The following ZFHX4 variants were observed in gnomAD, a reference collection of about 807,000 sequenced individuals.
ZFHX4 encodes the protein zinc finger homeobox 4.
Under a neutral mutation model 267.6 loss-of-function variants are expected in ZFHX4, and 56 were observed. The observed-to-expected ratio is 0.21, with a 90% CI of 0.17 to 0.26. ZFHX4 has a LOEUF of 0.26. Ranked by LOEUF, ZFHX4 falls within the 10% of genes least tolerant of loss-of-function variation. The pLI is 1.00. For missense variants in ZFHX4, 4,332 were observed against 4,420.0 expected, an observed-to-expected ratio of 0.98 and a Z score of 0.56; for synonymous variants, 1,778 against 1,665.6, an observed-to-expected ratio of 1.07 and a Z score of -1.64.
Position 76,736,149 on chromosome 8 carries a change from T to C in ZFHX4, c.3093+28101T>C, listed in dbSNP as rs144722508. 2.0e-5 allele frequency among the ~76,000 whole-genome samples: 3 copies of C among 151,844 alleles called. 1 individual carries two copies. In the East Asian group the frequency reaches 5.8e-4, roughly 29 times the overall value. On this transcript the variant is annotated intron_variant, in intron 3 of 10. Transcript: ENST00000651372. ...TATCCTTTAGGGCTTAGAACATAAT[T>C]TAAAAAAAAAAACTGACTTTAACCT... is the stretch of plus-strand genomic sequence containing the variant.
intron 3 of ZFHX4, among the ~76,000 whole-genome samples, chr8:76,759,048 A>G (rs1034331078): frequency 3.9e-5 from 6 of 152,226 alleles, no homozygotes; most frequent in Non-Finnish European, 4.4e-5. Context: ...TGACTTCAAG[A>G]AAGATTTTCT....
intron 5 of ZFHX4, among the ~76,000 whole-genome samples, chr8:76,839,367 A>T (rs1812177151): frequency 6.6e-6 from 1 of 152,182 alleles, no homozygotes; most frequent in African/African-American, 2.4e-5. Flanking sequence ...CATTTCTATA[A>T]GACTACAGTA....
chr8:76,687,844 G>A (rs1282708471), intron 1 of ZFHX4, among the ~76,000 whole-genome samples: 2 of 152,118 alleles, frequency 1.3e-5, no homozygotes, highest in Non-Finnish European at 1.5e-5. Context: ...AAAAGGATTA[G>A]CATTTTTTTG....
At chr8:76,860,462 G>T (rs1812836861) in intron 10 of ZFHX4, among the ~76,000 whole-genome samples, 1 of 151,944 alleles carries the variant, frequency 6.6e-6, no homozygotes, top group Non-Finnish European at 1.5e-5. Flanking sequence ...GCTCCATCTT[G>T]CTTTCTAACC....
intron 5 of ZFHX4, among the ~76,000 whole-genome samples, chr8:76,839,573 T>C (rs1249247251): frequency 5.9e-5 from 9 of 152,194 alleles, no homozygotes; most frequent in Admixed American, 5.9e-4. Context: ...GGCATATCCA[T>C]ATGCTGTATA....
chr8:76,796,356 T>C (rs1810979688), intron 4 of ZFHX4, among the ~76,000 whole-genome samples: 1 of 152,184 alleles, frequency 6.6e-6, no homozygotes. Flanking sequence ...TAACACTTAA[T>C]ATGAATTGCA....
At chr8:76,733,798 G>C (rs983786067) in intron 3 of ZFHX4, among the ~76,000 whole-genome samples, 6 of 152,236 alleles carry the variant, frequency 3.9e-5, no homozygotes, top group Admixed American at 1.3e-4. Context: ...CAGCTAATAT[G>C]AGACACATGC....
In ZFHX4 at chr8:76,863,482, C is replaced by T; in HGVS notation, c.9768C>T (p.Ser3256=). Residue 3256 remains serine, a synonymous_variant, in exon 11 of 11, where the codon TCC becomes TCT. Coordinates refer to ENST00000651372, the MANE Select transcript of ZFHX4 (RefSeq NM_024721.5). ...LQNAIAGDPA[S]FIGGQFLPYF... is the part of the protein sequence containing the mutation. ...ATGCAATTGCTGGTGACCCAGCTTCCTTTATAGGCGGACAGTTCTTGCCAT... is the reference window on the plus strand; with the variant it reads ...ATGCAATTGCTGGTGACCCAGCTTCTTTTATAGGCGGACAGTTCTTGCCAT... 1.2e-6 allele frequency: 2 copies of T among 1,613,670 alleles called. No individual in the cohort carries two copies. Among genetic ancestry groups the T allele is most frequent in the Non-Finnish European group, 1.7e-6 (2 of 1,179,766 alleles).
chr8:76,769,727 T>C (rs1042606492), intron 3 of ZFHX4, among the ~76,000 whole-genome samples: 3 of 152,204 alleles, frequency 2.0e-5, no homozygotes, highest in Non-Finnish European at 4.4e-5. Context: ...CTTGATTTCA[T>C]TCACTTTGCA....
At chr8:76,728,613 A>T (rs1808917683) in intron 3 of ZFHX4, among the ~76,000 whole-genome samples, 1 of 152,198 alleles carries the variant, frequency 6.6e-6, no homozygotes, top group African/African-American at 2.4e-5. Context: ...ATGCAAGTGG[A>T]AGAACCGGCC....
At chr8:76,820,591 GC>G in intron 4 of ZFHX4, among the ~76,000 whole-genome samples, 1 of 152,206 alleles carries the variant, frequency 6.6e-6, no homozygotes, top group East Asian at 1.9e-4. Context: ...ATGATCTTGT[GC>G]CAAAATCCTA....
chr8:76,700,787 T>A (rs1808081723), intron 1 of ZFHX4, among the ~76,000 whole-genome samples: 1 of 152,132 alleles, frequency 6.6e-6, no homozygotes, highest in Non-Finnish European at 1.5e-5. Context: ...TAAAACTATG[T>A]TAGGTTTTCT....
chr8:76,813,845 A>G (rs954582949), intron 4 of ZFHX4, among the ~76,000 whole-genome samples: 4 of 152,182 alleles, frequency 2.6e-5, no homozygotes, highest in African/African-American at 9.6e-5. Context: ...ATTCTTGGGA[A>G]TATGTAAGCA....
chr8:76,784,391 C>T (rs955409068), intron 4 of ZFHX4, among the ~76,000 whole-genome samples: 2 of 151,942 alleles, frequency 1.3e-5, no homozygotes, highest in Admixed American at 1.3e-4. Flanking sequence ...GTCAGACCAA[C>T]ACTGGTCCCT....
chr8:76,825,331 G>A (rs911391048), intron 4 of ZFHX4, among the ~76,000 whole-genome samples: 1 of 152,326 alleles, frequency 6.6e-6, no homozygotes, highest in Middle Eastern at 3.4e-3. Flanking sequence ...GAATGTCAGG[G>A]AAGTTAAGTA....
At chr8:76,861,922 C>T (rs1453068119) in intron 10 of ZFHX4, among the ~76,000 whole-genome samples, 5 of 151,914 alleles carry the variant, frequency 3.3e-5, no homozygotes, top group African/African-American at 9.7e-5. Context: ...TTCTTCCTTC[C>T]GCCCACCAGA....
At chr8:76,757,176 A>G (rs959745645) in intron 3 of ZFHX4, among the ~76,000 whole-genome samples, 1 of 152,170 alleles carries the variant, frequency 6.6e-6, no homozygotes, top group Admixed American at 6.5e-5. Flanking sequence ...GACATACACA[A>G]CATGTCTGTT....
At chr8:76,707,489 T>C in intron 2 of ZFHX4, 57 bp from the exon 3 acceptor site, 1 of 1,394,932 alleles carries the variant, frequency 7.2e-7, no homozygotes. Context: ...ACAGATTCCT[T>C]TGTGTGTGCT....
At chr8:76,780,055 A>AT (rs58919680) in intron 4 of ZFHX4, among the ~76,000 whole-genome samples, 79 of 135,316 alleles carry the variant, frequency 5.8e-4, no homozygotes, top group African/African-American at 2.7e-3. Context: ...AAAAAGTAAA[A>AT]TTAAAAAAAA....
Sources: allele counts gnomAD v4.1 joint callset (sites outside exome capture counted in the v4.1 genomes callset), GRCh38; gene constraint gnomAD v4.1.1; transcripts MANE v1.5; gene names NCBI Gene and HGNC (gene_info 2026-07-23, HGNC 2026-07-21).